QSER1: variants seen among roughly 807,000 people sequenced by gnomAD.
QSER1 encodes the protein glutamine and serine rich 1.
QSER1 carries 49 observed loss-of-function variants against 158.5 expected under a neutral mutation model. The observed-to-expected ratio is 0.31, with a 90% CI of 0.25 to 0.39. The LOEUF is 0.39. QSER1 is among the 10% of genes least tolerant of loss of function. The pLI is 1.00. For synonymous variants in QSER1, 650 were observed against 715.5 expected (o/e 0.91, Z 1.46); for missense variants, 1,754 against 2,010.3 (o/e 0.87, Z 2.44).
chr11:32,896,429 T>A (rs1851556572), intron 1 of QSER1, among the ~76,000 whole-genome samples: 1 of 152,168 alleles, frequency 6.6e-6, no homozygotes. Flanking sequence ...ATCTCAGCTC[T>A]CTGCACCCTC....
chr11:32,904,987 C>A (rs1851674022), intron 1 of QSER1, among the ~76,000 whole-genome samples: 1 of 152,144 alleles, frequency 6.6e-6, no homozygotes, highest in African/African-American at 2.4e-5. Flanking sequence ...AATAACTGTT[C>A]AATGAATACT....
At chr11:32,903,284 A>G (rs891514566) in intron 1 of QSER1, among the ~76,000 whole-genome samples, 2 of 151,790 alleles carry the variant, frequency 1.3e-5, no homozygotes, top group Admixed American at 6.6e-5. Context: ...CACCTCTCAT[A>G]TTCTAGACAC....
rs1378662066 is a variant in QSER1 at position 32,978,447 on chromosome 11, C to T, written c.*1973C>T. 3.9e-5 allele frequency: 6 copies of T among 152,184 alleles called. No individual in the cohort carries two copies. Among genetic ancestry groups the T allele is most frequent in the South Asian group, 2.1e-4 (1 of 4,834 alleles). 9.4% of individuals were successfully genotyped at this position (152,184 alleles called of 1,614,324 possible). A position where few individuals can be genotyped will look rare whatever the true frequency, so the allele number is the denominator to read the frequency against. The stretch of plus-strand genomic sequence containing the variant: ...ATTGTAAATATACATCTTTATATTA[C>T]TCTTCCAGCCTACGTTCCTAAATCA... On this transcript the variant is annotated 3_prime_UTR_variant, in exon 13 of 13. Coordinates refer to ENST00000650167, the MANE Select transcript of QSER1 (RefSeq NM_001076786.3).
chr11:32,930,905 A>G (rs770911328), intron 3 of QSER1, among the ~76,000 whole-genome samples: 1 of 152,210 alleles, frequency 6.6e-6, no homozygotes, highest in African/African-American at 2.4e-5. Context: ...GTACTTTGTT[A>G]ATTTCTGATC....
At chr11:32,966,737 G>A (rs1057130132) in intron 9 of QSER1, among the ~76,000 whole-genome samples, 11 of 152,104 alleles carry the variant, frequency 7.2e-5, no homozygotes, top group Admixed American at 4.6e-4. Context: ...TACATGAAAG[G>A]TCTGTATGTC....
rs1342714521 is a variant in QSER1 at position 32,935,143 on chromosome 11, C to T, written c.3885C>T (p.Ser1295=). ...FLKSGPKQQF[S]TLAVRMPNRT... ...AATCCGGGCCCAAGCAGCAGTTTTCCACTCTTGCTGTACGAATGCCTAACA... is the reference window on the plus strand; with the variant it reads ...AATCCGGGCCCAAGCAGCAGTTTTCTACTCTTGCTGTACGAATGCCTAACA... The change falls in exon 4 of 13, where the codon TCC becomes TCT. Residue 1295 remains serine (S), a synonymous_variant. Coordinates refer to ENST00000650167, the MANE Select transcript of QSER1 (RefSeq NM_001076786.3). 7 of 1,614,026 alleles carry T rather than the reference C, an allele frequency of 4.3e-6. No homozygotes were observed. The highest frequency in any genetic ancestry group is 5.9e-6 in the Non-Finnish European group (7 of 1,179,982).
intron 1 of QSER1, among the ~76,000 whole-genome samples, chr11:32,922,202 C>T (rs1176180754): frequency 1.3e-5 from 2 of 152,002 alleles, no homozygotes; most frequent in East Asian, 3.9e-4. Context: ...TTAGGTACAC[C>T]ACCAAAAGTA....
At position 32,934,959 on chromosome 11, in the gene QSER1, G is replaced by A; in HGVS notation, c.3701G>A (p.Arg1234Lys). ...RPAQGKRQNP[R>K]GTDIYLPYTP... ...GCCCAAGGCAAACGCCAGAATCCAA[G>A]GGGAACAGATATTTACTTACCGTAT... Residue 1234 changes from arginine (R) to lysine (K), a missense_variant, in exon 4 of 13, where the codon AGG becomes AAG. By Grantham distance (26) the Arg-to-Lys change is conservative. Transcript: ENST00000650167. 6.2e-7 allele frequency: 1 copy of A among 1,614,106 alleles called. No homozygotes were observed. The highest frequency in any genetic ancestry group is 1.1e-5 in the South Asian group (1 of 91,076).
At chr11:32,940,840 ATAAAT>A (rs1852219910) in intron 4 of QSER1, among the ~76,000 whole-genome samples, 1 of 152,112 alleles carries the variant, frequency 6.6e-6, no homozygotes, top group African/African-American at 2.4e-5. Context: ...TTTTTGCCTA[ATAAAT>A]GGTTCTTTTT....
rs76108594 is a variant in QSER1 at position 32,949,730 on chromosome 11, A to G, written c.4178-4127A>G. ...TAAAATAACATAGTATGGGCTCCTA[A>G]CGTGATTAGAATATTCATCTGTATT... On this transcript the variant is annotated intron_variant, in intron 4 of 12. Transcript: ENST00000650167. Among the ~76,000 whole-genome samples the G allele has an allele frequency of 9.4e-4, 143 of 152,346 alleles. 1 individual carries two copies. The East Asian group carries it at 0.026, about 27-fold the overall frequency.
intron 1 of QSER1, among the ~76,000 whole-genome samples, chr11:32,919,090 A>G (rs1590721475): frequency 1.3e-5 from 2 of 152,222 alleles, no homozygotes; most frequent in East Asian, 3.9e-4. Flanking sequence ...AGATTTACTT[A>G]ATGTCTTTTT....
At chr11:32,925,144 G>C (rs568479106) in intron 1 of QSER1, among the ~76,000 whole-genome samples, 1 of 152,278 alleles carries the variant, frequency 6.6e-6, no homozygotes, top group South Asian at 2.1e-4. Context: ...GGGCACGTGT[G>C]GGTTGACTCC....
At chr11:32,926,999 A>AT (rs1851981139) in intron 1 of QSER1, 158 bp from the exon 2 acceptor site, 2 of 152,608 alleles carry the variant, frequency 1.3e-5, no homozygotes, top group African/African-American at 4.8e-5. Flanking sequence ...TATTTCCTCC[A>AT]TTGTGATAGT....
intron 1 of QSER1, among the ~76,000 whole-genome samples, chr11:32,895,349 T>G (rs1851541475): frequency 6.6e-6 from 1 of 152,098 alleles, no homozygotes; most frequent in South Asian, 2.1e-4. Context: ...CCCGCCAGCC[T>G]GCTTTGTTAA....
intron 10 of QSER1, among the ~76,000 whole-genome samples, chr11:32,972,406 CTTAT>C (rs34645067): frequency 0.29 from 40,709 of 140,704 alleles, 6,058 homozygotes; most frequent in African/African-American, 0.36. Flanking sequence ...AGGCCAGTGG[CTTAT>C]TTATTTATTT....
intron 12 of QSER1, among the ~76,000 whole-genome samples, chr11:32,976,098 T>C (rs918464965): frequency 6.6e-6 from 1 of 152,222 alleles, no homozygotes. Context: ...CTCCAAAATT[T>C]GTCATTTGAC....
rs566462947 is a variant in QSER1, at chr11:32,960,015, C to T, written c.4969+1929C>T. On this transcript the variant is annotated intron_variant, in intron 8 of 12. Coordinates refer to ENST00000650167, the MANE Select transcript of QSER1 (RefSeq NM_001076786.3). ...CTCCTGGGCTCAAGCAATCCTCCCA[C>T]TTCGGCCTCCCAAAGTGCTGGGATT... Among the ~76,000 whole-genome samples the T allele has an allele frequency of 1.9e-3, 294 of 152,234 alleles. 1 individual carries two copies. The highest frequency in any genetic ancestry group is 6.8e-3 in the Middle Eastern group (2 of 292).
intron 1 of QSER1, among the ~76,000 whole-genome samples, chr11:32,898,684 TCAGGTG>T (rs1851588350): frequency 6.6e-6 from 1 of 152,118 alleles, no homozygotes. Context: ...CCTCCTGGGC[TCAGGTG>T]ATCCTCCCAA....
At chr11:32,963,134 G>A (rs761128303) in intron 8 of QSER1, among the ~76,000 whole-genome samples, 15 of 152,004 alleles carry the variant, frequency 9.9e-5, no homozygotes, top group African/African-American at 3.4e-4. Flanking sequence ...TTACTTCTTC[G>A]TCAAGGACTA....
Sources: gnomAD v4.1 joint callset for allele counts (sites outside exome capture counted in the v4.1 genomes callset) on GRCh38, gnomAD v4.1.1 for gene constraint, MANE v1.5 for transcripts, NCBI Gene and HGNC (gene_info 2026-07-23, HGNC 2026-07-21) for gene names.